SEZ6L: variants seen among roughly 807,000 people sequenced by gnomAD.
The protein encoded by SEZ6L is seizure 6-like protein.
A neutral mutation model predicts 106.2 loss-of-function variants in SEZ6L; 37 were observed. That is an observed-to-expected ratio of 0.35 (90% CI 0.27 to 0.46). The LOEUF (loss-of-function observed/expected upper bound fraction) is 0.46, where lower values mean the gene tolerates loss of function less well. Among genes scored for constraint, SEZ6L ranks in the 20% least tolerant of loss-of-function variants. The pLI is 1.00. For missense variants in SEZ6L, 1,172 were observed against 1,332.8 expected, an observed-to-expected ratio of 0.88 and a Z score of 1.88; for synonymous variants, 541 against 570.4, an observed-to-expected ratio of 0.95 and a Z score of 0.73.
chr22:26,177,832 A>T (rs1274815031), intron 1 of SEZ6L, among the ~76,000 whole-genome samples: 1 of 152,080 alleles, frequency 6.6e-6, no homozygotes, highest in East Asian at 1.9e-4. Context: ...AGATTCTAGC[A>T]GTTATTTGGG....
intron 9 of SEZ6L, among the ~76,000 whole-genome samples, chr22:26,334,023 C>G (rs1210805708): frequency 1.3e-5 from 2 of 151,924 alleles, no homozygotes; most frequent in African/African-American, 4.8e-5. Context: ...AGGGACGGGG[C>G]AGGCGGCAAT....
intron 11 of SEZ6L, 32 bp from the exon 12 acceptor site, chr22:26,351,020 A>T (rs1235923773): frequency 6.3e-7 from 1 of 1,577,384 alleles, no homozygotes; most frequent in Non-Finnish European, 8.7e-7. Flanking sequence ...CAGAGGTCTG[A>T]CGTCCTCTTG....
intron 13 of SEZ6L, among the ~76,000 whole-genome samples, chr22:26,368,187 C>T (rs1464744393): frequency 6.6e-6 from 1 of 152,192 alleles, no homozygotes; most frequent in Non-Finnish European, 1.5e-5. Flanking sequence ...CCCCAAATGC[C>T]TTATTCATGA....
chr22:26,192,824 T>A lies in SEZ6L; in HGVS notation c.94+23061T>A, dbSNP rs895955134. On this transcript the variant is annotated intron_variant, in intron 1 of 16. Coordinates refer to ENST00000248933, the MANE Select transcript of SEZ6L (RefSeq NM_021115.5). ...CAGATTATGCAAAAGGCCTATCTGG[T>A]CAACCCAAGATAATAAAATAGATGT... Among the ~76,000 whole-genome samples, 3 of 152,308 alleles carry A rather than the reference T, an allele frequency of 2.0e-5. 1 individual carries two copies. Among genetic ancestry groups the A allele is most frequent in the Admixed American group, 1.3e-4 (2 of 15,298 alleles).
intron 9 of SEZ6L, among the ~76,000 whole-genome samples, chr22:26,328,502 A>T (rs1037126264): frequency 4.6e-5 from 7 of 152,072 alleles, no homozygotes; most frequent in Non-Finnish European, 1.0e-4. Flanking sequence ...GAGGTGAAAC[A>T]CCAGGGTAGT....
intron 1 of SEZ6L, among the ~76,000 whole-genome samples, chr22:26,225,524 C>T (rs1048302260): frequency 5.3e-5 from 8 of 152,156 alleles, no homozygotes; most frequent in African/African-American, 1.2e-4. Context: ...GCATCCACGG[C>T]TGAGGAGAGG....
intron 9 of SEZ6L, among the ~76,000 whole-genome samples, chr22:26,317,214 A>C (rs753108745): frequency 3.9e-5 from 6 of 152,140 alleles, no homozygotes; most frequent in Non-Finnish European, 5.9e-5. Flanking sequence ...ATCCTTTAGG[A>C]AGCCTTCTGT....
intron 1 of SEZ6L, among the ~76,000 whole-genome samples, chr22:26,257,876 G>T (rs1205450227): frequency 6.6e-6 from 1 of 152,132 alleles, no homozygotes; most frequent in Non-Finnish European, 1.5e-5. Flanking sequence ...TCACATCTAA[G>T]ACCCTGATAG....
At chr22:26,281,667 C>A (rs983054797) in intron 1 of SEZ6L, among the ~76,000 whole-genome samples, 3 of 152,134 alleles carry the variant, frequency 2.0e-5, no homozygotes, top group South Asian at 2.1e-4. Flanking sequence ...CGTGAGCCAC[C>A]GCACCTGGCC....
chr22:26,211,314 T>C (rs780670211), intron 1 of SEZ6L, among the ~76,000 whole-genome samples: 4 of 152,228 alleles, frequency 2.6e-5, no homozygotes, highest in Non-Finnish European at 5.9e-5. Flanking sequence ...TGGAATGACA[T>C]TGGGCTGCTA....
chr22:26,261,513 G>A (rs1450740775), intron 1 of SEZ6L, among the ~76,000 whole-genome samples: 1 of 152,086 alleles, frequency 6.6e-6, no homozygotes, highest in African/African-American at 2.4e-5. Context: ...TTATGTCTTT[G>A]TTTGCTTCAA....
At chr22:26,249,965 T>C (rs142172103) in intron 1 of SEZ6L, among the ~76,000 whole-genome samples, 98 of 152,346 alleles carry the variant, frequency 6.4e-4, no homozygotes, top group African/African-American at 2.2e-3. Context: ...CATTTACATG[T>C]CTTATTTTGG....
intron 9 of SEZ6L, among the ~76,000 whole-genome samples, chr22:26,327,593 G>A (rs1471025848): frequency 7.9e-6 from 1 of 126,800 alleles, no homozygotes; most frequent in Admixed American, 8.1e-5. Flanking sequence ...CACGACACAT[G>A]CCACACATGC....
At chr22:26,333,222 G>A (rs769528029) in intron 9 of SEZ6L, among the ~76,000 whole-genome samples, 5 of 152,222 alleles carry the variant, frequency 3.3e-5, no homozygotes, top group Non-Finnish European at 5.9e-5. Context: ...GGAAGGAGAG[G>A]AGGCTAGACA....
intron 9 of SEZ6L, among the ~76,000 whole-genome samples, chr22:26,322,255 A>G (rs752352845): frequency 6.6e-6 from 1 of 152,190 alleles, no homozygotes; most frequent in Non-Finnish European, 1.5e-5. Flanking sequence ...GTATGACAGC[A>G]CAGAGAGGTT....
intron 1 of SEZ6L, among the ~76,000 whole-genome samples, chr22:26,181,688 C>T (rs957738401): frequency 1.3e-5 from 2 of 152,072 alleles, no homozygotes; most frequent in African/African-American, 2.4e-5. Context: ...GACTTACATC[C>T]TGGGATTGTG....
chr22:26,178,706 C>T (rs373337156), intron 1 of SEZ6L, among the ~76,000 whole-genome samples: 13 of 152,132 alleles, frequency 8.5e-5, no homozygotes, highest in African/African-American at 2.2e-4. Flanking sequence ...TCTTCAAAGC[C>T]GTACACCATA....
chr22:26,176,363 T>C (rs1177493625), intron 1 of SEZ6L, among the ~76,000 whole-genome samples: 1 of 152,218 alleles, frequency 6.6e-6, no homozygotes, highest in Non-Finnish European at 1.5e-5. Flanking sequence ...ATCAAGGTGG[T>C]TTGACAGGAC....
intron 6 of SEZ6L, among the ~76,000 whole-genome samples, chr22:26,308,910 T>G (rs1240023972): frequency 6.6e-6 from 1 of 152,134 alleles, no homozygotes; most frequent in African/African-American, 2.4e-5. Flanking sequence ...ACACAGCCCC[T>G]AAGATATAAC....
Sources: allele counts gnomAD v4.1 joint callset (sites outside exome capture counted in the v4.1 genomes callset), GRCh38; gene constraint gnomAD v4.1.1; transcripts MANE v1.5; gene names NCBI Gene and HGNC (gene_info 2026-07-23, HGNC 2026-07-21).